Variants in HIRA observed in about 807,000 individuals in gnomAD.
HIRA encodes protein HIRA.
In HIRA, 13 loss-of-function variants were observed where a neutral mutation model predicts 126.6. The ratio of observed to expected loss-of-function variants is 0.10; its 90% CI spans 0.07 to 0.16. The LOEUF is 0.16. HIRA is among the 10% of genes least tolerant of loss of function. The pLI is 1.00. For synonymous variants in HIRA, 511 were observed against 520.0 expected (o/e 0.98, Z 0.24); for missense variants, 834 against 1,314.4 (o/e 0.63, Z 5.65).
At chr22:19,420,402 G>A (rs1465032631) in intron 1 of HIRA, among the ~76,000 whole-genome samples, 1 of 142,706 alleles carries the variant, frequency 7.0e-6, no homozygotes, top group Admixed American at 7.3e-5. Flanking sequence ...GGAGGTCGAG[G>A]CTGCAGTGAG....
At position 19,362,067 on chromosome 22, in the gene HIRA, G is replaced by C. The variant is rs916594; in HGVS notation, c.1776-136C>G. 0.47 allele frequency: 356,768 copies of C among 765,564 alleles called. 87,681 individuals carry two copies. The highest frequency in any genetic ancestry group is 0.52 in the Non-Finnish European group (249,079 of 481,924). 47.4% of individuals were successfully genotyped at this position (765,564 alleles called of 1,614,324 possible). On this transcript the variant is annotated intron_variant, in intron 15 of 24. Transcript: ENST00000263208. ...TGTCCAGTGAAATTATGCCTCAAAAGTAAAGGAGAAATAATGACTTTGTCA... is the reference window on the plus strand; with the variant it reads ...TGTCCAGTGAAATTATGCCTCAAAACTAAAGGAGAAATAATGACTTTGTCA...
rs780788215 is a variant in HIRA at position 19,424,386 on chromosome 22, T to TC, written c.37+7053dup. 2.6e-5 allele frequency among the ~76,000 whole-genome samples: 4 copies of TC among 152,312 alleles called. No homozygotes were observed. In the South Asian group the frequency reaches 8.3e-4, roughly 32 times the overall value. ...CTTCTGCTTCTCACTGAAAACATTCTCGATACCCCACAACCAGAGAACTCT... is the reference window on the plus strand; with the variant it reads ...CTTCTGCTTCTCACTGAAAACATTCTCCGATACCCCACAACCAGAGAACTCT... On this transcript the variant is annotated intron_variant, in intron 1 of 24. Transcript: ENST00000263208.
At chr22:19,346,164 T>TA (rs142085310) in intron 24 of HIRA, among the ~76,000 whole-genome samples, 12,677 of 152,254 alleles carry the variant, frequency 0.083, 1,776 homozygotes, top group African/African-American at 0.29. Context: ...ACCACAGCTA[T>TA]ATTTTCCCAG....
intron 7 of HIRA, among the ~76,000 whole-genome samples, chr22:19,395,776 C>T (rs1360473621): frequency 1.3e-5 from 2 of 152,158 alleles, no homozygotes; most frequent in African/African-American, 4.8e-5. Flanking sequence ...TCCTATGGGG[C>T]TTTAAGCTTC....
At chr22:19,413,010 G>A (rs959742470) in intron 1 of HIRA, among the ~76,000 whole-genome samples, 12 of 152,188 alleles carry the variant, frequency 7.9e-5, no homozygotes, top group Admixed American at 7.2e-4. Flanking sequence ...TTGAGTAAGA[G>A]TTAGCCAGAA....
At chr22:19,347,921 A>G (rs2088705245) in intron 24 of HIRA, among the ~76,000 whole-genome samples, 1 of 152,216 alleles carries the variant, frequency 6.6e-6, no homozygotes, top group Non-Finnish European at 1.5e-5. Flanking sequence ...CCCGGGTGAC[A>G]GAGCGAGACT....
At chr22:19,398,475 C>A (rs1181597347) in intron 5 of HIRA, among the ~76,000 whole-genome samples, 1 of 152,190 alleles carries the variant, frequency 6.6e-6, no homozygotes, top group Non-Finnish European at 1.5e-5. Context: ...GTGGGTAAAG[C>A]ACATGGCAGA....
At chr22:19,346,641 T>G (rs1378040580) in intron 24 of HIRA, among the ~76,000 whole-genome samples, 1 of 152,180 alleles carries the variant, frequency 6.6e-6, no homozygotes, top group Non-Finnish European at 1.5e-5. Context: ...CCCAAGTGAT[T>G]TAATGGTTGC....
chr22:19,351,047 G>T lies in HIRA; in HGVS notation c.2937+311C>A. The stretch of plus-strand genomic sequence containing the variant: ...TTTATGTGTGCATCCCTACCAGACC[G>T]AGCTCCACGAAGGCAGGGAAGTACC... On this transcript the variant is annotated intron_variant, in intron 24 of 24. Transcript: ENST00000263208. The surrounding 1 kb of genome is among the most constrained non-coding windows in gnomAD (Gnocchi z 4.8). The T allele has an allele frequency of 2.5e-6, 2 of 799,658 alleles. No homozygotes were observed. The highest frequency in any genetic ancestry group is 3.0e-6 in the Non-Finnish European group (2 of 660,648). The allele number at this position is 799,658 out of a possible 1,614,324, so 49.5% of individuals were successfully genotyped here. A position where few individuals can be genotyped will look rare whatever the true frequency, so the allele number is the denominator to read the frequency against.
chr22:19,428,232 C>A (rs2089503579), intron 1 of HIRA, among the ~76,000 whole-genome samples: 1 of 152,148 alleles, frequency 6.6e-6, no homozygotes, highest in Admixed American at 6.5e-5. Flanking sequence ...TTATTGATAA[C>A]CTTAGACAAG....
chr22:19,363,857 T>A (rs535370954), intron 15 of HIRA, among the ~76,000 whole-genome samples: 1 of 152,058 alleles, frequency 6.6e-6, no homozygotes, highest in Non-Finnish European at 1.5e-5. Context: ...GAGATGCGAC[T>A]GTGCCACCGC....
Position 19,375,673 on chromosome 22 carries a change from C to T in HIRA, c.1733G>A (p.Gly578Asp), listed in dbSNP as rs747848368. ...RFTERSKATP[G>D]APALTSMTPT... The stretch of plus-strand genomic sequence containing the variant: ...AGTCATGCTGGTCAGGGCAGGAGCA[C>T]CTGGTGTGGCTTTGGACCGCTCTGT... Residue 578 changes from glycine (G) to aspartate (D), a missense_variant, in exon 15 of 25, where the codon GGT (glycine) becomes GAT (aspartate). Transcript: ENST00000263208. 1 of 1,614,200 alleles carries T rather than the reference C, an allele frequency of 6.2e-7. No homozygotes were observed. Among genetic ancestry groups the T allele is most frequent in the South Asian group, 1.1e-5 (1 of 91,086 alleles).
At chr22:19,380,032 T>C (rs1200422139) in intron 13 of HIRA, among the ~76,000 whole-genome samples, 1 of 152,022 alleles carries the variant, frequency 6.6e-6, no homozygotes, top group African/African-American at 2.4e-5. Context: ...ATGGTCTTGA[T>C]CTCTTGACCT....
At chr22:19,371,966 C>A (rs1385235944) in intron 15 of HIRA, among the ~76,000 whole-genome samples, 1 of 152,114 alleles carries the variant, frequency 6.6e-6, no homozygotes, top group Non-Finnish European at 1.5e-5. Context: ...TTTCAATTCT[C>A]CTGGGTATGT....
At chr22:19,396,733 G>A in intron 7 of HIRA, 54 bp downstream of exon 7, 8 of 1,587,492 alleles carry the variant, frequency 5.0e-6, no homozygotes, top group Non-Finnish European at 5.2e-6. Flanking sequence ...ACAGAAGTCA[G>A]GAAGAGGCTG....
chr22:19,426,291 C>A (rs1263649694), intron 1 of HIRA, among the ~76,000 whole-genome samples: 1 of 152,196 alleles, frequency 6.6e-6, no homozygotes, highest in Non-Finnish European at 1.5e-5. Context: ...CTCCCCTAAC[C>A]CCAAGAAGGA....
At chr22:19,415,789 C>CA (rs986773483) in intron 1 of HIRA, among the ~76,000 whole-genome samples, 54 of 144,056 alleles carry the variant, frequency 3.7e-4, no homozygotes, top group South Asian at 9.0e-4. Flanking sequence ...AACTCCGTCT[C>CA]AAAAAAAAAA....
At chr22:19,355,570 G>A (rs2088803564) in intron 21 of HIRA, among the ~76,000 whole-genome samples, 190 bp downstream of exon 21, 1 of 152,226 alleles carries the variant, frequency 6.6e-6, no homozygotes, top group Admixed American at 6.5e-5. Flanking sequence ...TCTGAGGGCA[G>A]AGGCCATAGG....
At chr22:19,371,711 G>A (rs115687732) in intron 15 of HIRA, among the ~76,000 whole-genome samples, 10 of 152,180 alleles carry the variant, frequency 6.6e-5, no homozygotes, top group African/African-American at 2.4e-4. Flanking sequence ...TCCTATCAAT[G>A]GAATCATACA....
Sources: allele counts gnomAD v4.1 joint callset (sites outside exome capture counted in the v4.1 genomes callset), GRCh38; gene constraint gnomAD v4.1.1; non-coding constraint Gnocchi (gnomAD v3.1); transcripts MANE v1.5; gene names NCBI Gene and HGNC (gene_info 2026-07-23, HGNC 2026-07-21).